ZNF77: variants seen among roughly 807,000 people sequenced by gnomAD.
ZNF77 encodes zinc finger protein 77, also known as ZNFpT1.
Under a neutral mutation model 13.5 loss-of-function variants are expected in ZNF77, and 15 were observed. That is an observed-to-expected ratio of 1.11 (90% CI 0.74 to 1.71). The LOEUF (loss-of-function observed/expected upper bound fraction) is 1.71. Ranked by LOEUF, ZNF77 falls within the 40% of genes most tolerant of loss-of-function variation. The pLI, the probability that ZNF77 is intolerant of heterozygous loss-of-function variation, is 0.00. For synonymous variants in ZNF77, 282 were observed against 250.0 expected (o/e 1.13, Z -1.21); for missense variants, 717 against 676.4 (o/e 1.06, Z -0.67).
rs779388621 is a variant in ZNF77, at chr19:2,934,276, CG to C, written c.850del (p.Arg284GlufsTer32). On this transcript the variant is annotated frameshift_variant, in exon 4 of 4. Coordinates refer to ENST00000314531, the MANE Select transcript of ZNF77 (RefSeq NM_021217.3). LOFTEE classifies it low-confidence loss of function (END_TRUNC). The stretch of plus-strand genomic sequence containing the variant: ...TCCAGTGTGTGTTCTGACATGTTCT[CG>C]AAAGTATGAGGGACAGCTGAAGGCT... Reference protein sequence around the residue: ...GKAFSCPSYFREHVRTHTGEK... With the variant: ...GKAFSCPSYFXEHVRTHTGEK... 1.2e-6 allele frequency: 2 copies of C among 1,613,430 alleles called. No homozygotes were observed. Among genetic ancestry groups the C allele is most frequent in the Admixed American group, 3.3e-5 (2 of 59,980 alleles).
chr19:2,939,406 T>C lies in ZNF77; in HGVS notation c.5A>G (p.Asp2Gly). The change falls in exon 2 of 4, where the codon GAC becomes GGC. Residue 2 changes from aspartate to glycine, a missense_variant and splice_region_variant. By Grantham distance (94) the Asp-to-Gly change is moderately conservative. Coordinates refer to ENST00000314531, the MANE Select transcript of ZNF77 (RefSeq NM_021217.3). The part of the protein sequence containing the change: M[D>G]CVIFEEVAVN... ...AGCCACTTCCTCAAAGATCACGCAG[T>C]CCTAAAACATTCCACACATCCCACT... The C allele has an allele frequency of 6.2e-7, 1 of 1,613,866 alleles. No homozygotes were observed.
In ZNF77 at chr19:2,944,916, A is replaced by T. The variant is rs987523928; in HGVS notation, c.-76T>A. 1.4e-6 allele frequency: 2 copies of T among 1,476,894 alleles called. No homozygotes were observed. Among genetic ancestry groups the T allele is most frequent in the African/African-American group, 2.9e-5 (2 of 69,094 alleles). 91.5% of individuals were successfully genotyped at this position (1,476,894 alleles called of 1,614,324 possible). On this transcript the variant is annotated 5_prime_UTR_variant, in exon 1 of 4. Transcript: ENST00000314531. ...CCGGCGCAGGTGAGCACGACAGGAC[A>T]CCTGAGCCGCTCGGGGTAGGCGGGG...
At chr19:2,938,205 G>A (rs1568193269) in intron 2 of ZNF77, among the ~76,000 whole-genome samples, 1 of 152,172 alleles carries the variant, frequency 6.6e-6, no homozygotes, top group African/African-American at 2.4e-5. Context: ...CCTCAGGTGT[G>A]AGCACCACCC....
intron 2 of ZNF77, among the ~76,000 whole-genome samples, chr19:2,937,118 G>A (rs2088404766): frequency 6.6e-6 from 1 of 152,150 alleles, no homozygotes; most frequent in Non-Finnish European, 1.5e-5. Flanking sequence ...GAGCCCAGGA[G>A]GTCAAAGCTG....
chr19:2,934,395 T>C lies in ZNF77; in HGVS notation c.732A>G (p.Val244=). Residue 244 remains valine (V), a synonymous_variant, in exon 4 of 4, where the codon GTA becomes GTG. Coordinates refer to ENST00000314531, the MANE Select transcript of ZNF77 (RefSeq NM_021217.3). ...AGTAATACATAAAGGTCTTCCCACA[T>C]ACTTTACATGCATGGGTTTTCTGCC... ...HHGQKTHACK[V]CGKTFMYYSY... The C allele has an allele frequency of 4.3e-6, 7 of 1,614,248 alleles. No homozygotes were observed. Among genetic ancestry groups the C allele is most frequent in the Non-Finnish European group, 5.9e-6 (7 of 1,180,050 alleles).
At position 2,939,411 on chromosome 19, in the gene ZNF77, A is replaced by T. The variant is rs1432482757; in HGVS notation, c.4-4T>A. 1 of 1,613,884 alleles carries T rather than the reference A, an allele frequency of 6.2e-7. No homozygotes were observed. The highest frequency in any genetic ancestry group is 1.7e-5 in the Admixed American group (1 of 59,996). ...CTTCCTCAAAGATCACGCAGTCCTA[A>T]AACATTCCACACATCCCACTTCAGC... On this transcript the variant is annotated splice_region_variant and splice_polypyrimidine_tract_variant and intron_variant, in intron 1 of 3. Coordinates refer to ENST00000314531, the MANE Select transcript of ZNF77 (RefSeq NM_021217.3).
chr19:2,944,625 T>C (rs2088479705), intron 1 of ZNF77, among the ~76,000 whole-genome samples: 1 of 149,930 alleles, frequency 6.7e-6, no homozygotes, highest in South Asian at 2.1e-4. Context: ...CCCCAGAAAC[T>C]ACCCCTCGAG....
At chr19:2,940,184 T>A (rs2088436872) in intron 1 of ZNF77, among the ~76,000 whole-genome samples, 1 of 151,796 alleles carries the variant, frequency 6.6e-6, no homozygotes, top group Non-Finnish European at 1.5e-5. Flanking sequence ...AAATTAAATT[T>A]TAAAAATACA....
chr19:2,943,572 C>A (rs534607409), intron 1 of ZNF77, among the ~76,000 whole-genome samples: 1 of 151,848 alleles, frequency 6.6e-6, no homozygotes, highest in Admixed American at 6.6e-5. Context: ...TCCCCTAAAA[C>A]GTTCCTCCAA....
Position 2,939,384 on chromosome 19 carries a change from C to T in ZNF77, c.27G>A (p.Val9=), listed in dbSNP as rs1447890055. 3 of 1,614,182 alleles carry T rather than the reference C, an allele frequency of 1.9e-6. No individual in the cohort carries two copies. The highest frequency in any genetic ancestry group is 2.2e-5 in the South Asian group (2 of 91,090). ...ACTCTTCTGGGGTGAAGTTCACAGC[C>T]ACTTCCTCAAAGATCACGCAGTCCT... MDCVIFEE[V]AVNFTPEEWA... is the part of the protein sequence containing the mutation. Residue 9 remains valine, a synonymous_variant, in exon 2 of 4, where the codon GTG becomes GTA. Transcript: ENST00000314531.
At chr19:2,936,834 A>C (rs2144962282) in intron 2 of ZNF77, 130 bp from the exon 3 acceptor site, 1 of 837,330 alleles carries the variant, frequency 1.2e-6, no homozygotes, top group East Asian at 2.9e-5. Flanking sequence ...ACATGCTATC[A>C]AAGTGAGACT....
intron 1 of ZNF77, chr19:2,939,701 G>A (rs2088432963): frequency 2.7e-6 from 1 of 370,944 alleles, no homozygotes; most frequent in Non-Finnish European, 5.0e-6. Flanking sequence ...GCTAAGGCTG[G>A]TGGCTCATGC....
At position 2,933,777 on chromosome 19, in the gene ZNF77, G is replaced by T; in HGVS notation, c.1350C>A (p.Ser450=). The change falls in exon 4 of 4, where the codon TCC becomes TCA. Residue 450 remains serine (S), a synonymous_variant. Transcript: ENST00000314531. ...TGTGGGTTCGCACATGCTCTCGAAG[G>T]GAGGAGTGACAGCTGAAGGCTTTCC... ...HCGKAFSCHS[S]LREHVRTHSG... 6.2e-7 allele frequency: 1 copy of T among 1,613,176 alleles called. No individual in the cohort carries two copies. Among genetic ancestry groups the T allele is most frequent in the East Asian group, 2.2e-5 (1 of 44,838 alleles).
intron 2 of ZNF77, among the ~76,000 whole-genome samples, chr19:2,937,408 C>G (rs369983140): frequency 6.6e-6 from 1 of 151,780 alleles, no homozygotes; most frequent in East Asian, 1.9e-4. Flanking sequence ...TCACTTGTAC[C>G]TGGGAGGTGG....
intron 1 of ZNF77, 100 bp downstream of exon 1, chr19:2,944,738 C>T: frequency 2.1e-6 from 3 of 1,413,802 alleles, no homozygotes; most frequent in Non-Finnish European, 2.8e-6. Context: ...CGCCGCCCCG[C>T]GCGTCCCTCA....
intron 1 of ZNF77, 46 bp from the exon 2 acceptor site, chr19:2,939,453 C>A: frequency 6.2e-7 from 1 of 1,605,132 alleles, no homozygotes. Flanking sequence ...ACCGCCTCCC[C>A]CATGTGCGCA....
At chr19:2,944,019 A>G (rs886519170) in intron 1 of ZNF77, among the ~76,000 whole-genome samples, 1 of 151,670 alleles carries the variant, frequency 6.6e-6, no homozygotes, top group African/African-American at 2.4e-5. Context: ...CCAGGATTTT[A>G]TTATTTGACA....
chr19:2,939,463 A>G, intron 1 of ZNF77, 56 bp from the exon 2 acceptor site: 11 of 1,599,942 alleles, frequency 6.9e-6, no homozygotes, highest in Non-Finnish European at 8.5e-6. Flanking sequence ...CCATGTGCGC[A>G]GGAAGAGGGG....
rs764771353 is a variant in ZNF77, at chr19:2,934,122, A to G, written c.1005T>C (p.Cys335=). The G allele has an allele frequency of 4.0e-5, 64 of 1,613,758 alleles. No individual in the cohort carries two copies. The highest frequency in any genetic ancestry group is 4.8e-5 in the Non-Finnish European group (57 of 1,179,958). ...QCKHCGKAFT[C]YSSLREHGRT... ...TCCCATGTTCTCGAAGAGACGAGTA[A>G]CAAGTGAACGCTTTTCCGCAATGTT... Residue 335 remains cysteine, a synonymous_variant, in exon 4 of 4, where the codon TGT becomes TGC. Coordinates refer to ENST00000314531, the MANE Select transcript of ZNF77 (RefSeq NM_021217.3).
Sources: gnomAD v4.1 joint callset for allele counts (sites outside exome capture counted in the v4.1 genomes callset) on GRCh38, gnomAD v4.1.1 for gene constraint, MANE v1.5 for transcripts, NCBI Gene and HGNC (gene_info 2026-07-23, HGNC 2026-07-21) for gene names.